ZNF254: variants seen among roughly 807,000 people sequenced by gnomAD.
The protein encoded by ZNF254 is CTD-2017D11.1.
A neutral mutation model predicts 12.4 loss-of-function variants in ZNF254; 10 were observed. The ratio of observed to expected loss-of-function variants is 0.80; its 90% CI spans 0.50 to 1.36. ZNF254 has a LOEUF of 1.36. Ranked by LOEUF, ZNF254 falls within the 40% of genes most tolerant of loss-of-function variation. The pLI is 0.00. For missense variants in ZNF254, 996 were observed against 763.9 expected (o/e 1.30, Z -3.58); for synonymous variants, 305 against 253.4 (o/e 1.20, Z -1.93).
intron 1 of ZNF254, among the ~76,000 whole-genome samples, chr19:24,039,507 C>A (rs898229849): frequency 6.6e-6 from 1 of 152,166 alleles, no homozygotes; most frequent in Admixed American, 6.5e-5. Context: ...TCACTGCAAC[C>A]TCTGCCTCCC....
At chr19:24,036,971 C>T (rs1191535898) in intron 1 of ZNF254, among the ~76,000 whole-genome samples, 1 of 152,126 alleles carries the variant, frequency 6.6e-6, no homozygotes, top group African/African-American at 2.4e-5. Flanking sequence ...TACACAAGTG[C>T]CTAGAGGACT....
intron 2 of ZNF254, among the ~76,000 whole-genome samples, chr19:24,051,632 C>T (rs948006069): frequency 1.3e-5 from 2 of 152,170 alleles, no homozygotes; most frequent in African/African-American, 4.8e-5. Context: ...GGGACCTGCA[C>T]ACATTGTGTA....
chr19:24,045,940 A>T lies in ZNF254; in HGVS notation c.-189-244A>T, dbSNP rs542786247. Among the ~76,000 whole-genome samples the T allele has an allele frequency of 2.0e-5, 3 of 152,224 alleles. No homozygotes were observed. In the South Asian group the frequency reaches 6.2e-4, roughly 32 times the overall value. Reference sequence around the variant, plus strand: ...TTCTAAGTTTGTTGATGTAGAAAAAAATCTTCCTAGTGTTTCCAGCCCTCC... The same window carrying T: ...TTCTAAGTTTGTTGATGTAGAAAAATATCTTCCTAGTGTTTCCAGCCCTCC... On this transcript the variant is annotated intron_variant, in intron 1 of 4. Coordinates refer to the ZNF254 transcript ENST00000613065.
intron 2 of ZNF254, among the ~76,000 whole-genome samples, chr19:24,062,745 A>G (rs1303363312): frequency 6.6e-6 from 1 of 152,186 alleles, no homozygotes; most frequent in Non-Finnish European, 1.5e-5. Flanking sequence ...CAGTTGGGTT[A>G]GTGACTCGTT....
intron 2 of ZNF254, among the ~76,000 whole-genome samples, chr19:24,057,411 C>T (rs1568431144): frequency 6.6e-6 from 1 of 152,204 alleles, no homozygotes; most frequent in Non-Finnish European, 1.5e-5. Flanking sequence ...GAGGTGTTAA[C>T]TCTCATATCT....
chr19:24,114,215 G>T (rs867385351), intron 3 of ZNF254, among the ~76,000 whole-genome samples: 1 of 151,208 alleles, frequency 6.6e-6, no homozygotes, highest in Non-Finnish European at 1.5e-5. Flanking sequence ...AGCCCGCATC[G>T]CCAAGTCACT....
chr19:24,069,623 A>G (rs938202691), intron 2 of ZNF254, among the ~76,000 whole-genome samples: 12 of 149,532 alleles, frequency 8.0e-5, no homozygotes, highest in Non-Finnish European at 1.6e-4. Flanking sequence ...AAAAAAAAAA[A>G]AAAAGAATAT....
intron 1 of ZNF254, among the ~76,000 whole-genome samples, chr19:24,099,423 G>A (rs1263179141): frequency 2.0e-5 from 3 of 152,122 alleles, no homozygotes; most frequent in African/African-American, 7.2e-5. Context: ...CAGGTGGTAC[G>A]AAACAGAAGA....
chr19:24,126,614 A>T lies in ZNF254; in HGVS notation c.614A>T (p.His205Leu). 6.2e-7 allele frequency: 1 copy of T among 1,607,838 alleles called. No homozygotes were observed. Among genetic ancestry groups the T allele is most frequent in the East Asian group, 2.2e-5 (1 of 44,802 alleles). The change falls in exon 4 of 4, where the codon CAT (histidine) becomes CTT (leucine). Residue 205 changes from histidine to leucine, a missense_variant. His to Leu is a moderately conservative substitution (Grantham distance 99). Transcript: ENST00000357002. Reference sequence around the variant, plus strand: ...AAAACCCAACACAAAAGCATTTATCATAGAGAGAAGTCCTACAAATGTAAA... The same window carrying T: ...AAAACCCAACACAAAAGCATTTATCTTAGAGAGAAGTCCTACAAATGTAAA... Reference protein sequence around the residue: ...SHKTQHKSIYHREKSYKCKEC... With the variant: ...SHKTQHKSIYLREKSYKCKEC...
chr19:24,061,821 C>T (rs191723697), intron 2 of ZNF254, among the ~76,000 whole-genome samples: 11 of 152,226 alleles, frequency 7.2e-5, no homozygotes, highest in Admixed American at 5.2e-4. Context: ...TGGCGGCTCA[C>T]GCCTATAATC....
At position 24,046,702 on chromosome 19, in the gene ZNF254, C is replaced by T. The variant is rs369954665; in HGVS notation, c.-94+423C>T. On this transcript the variant is annotated intron_variant, in intron 2 of 4. Coordinates refer to the ZNF254 transcript ENST00000613065. ...TGTGAACAACAATTATTTCGCATAT[C>T]TCATAGCTCTTCAGTGTAGAGGGAG... 2.0e-5 allele frequency among the ~76,000 whole-genome samples: 3 copies of T among 152,150 alleles called. No individual in the cohort carries two copies. In the South Asian group the frequency reaches 6.2e-4, roughly 32 times the overall value.
Position 24,126,395 on chromosome 19 carries a change from A to T in ZNF254, c.395A>T (p.Tyr132Phe). 1.2e-6 allele frequency: 2 copies of T among 1,608,948 alleles called. No homozygotes were observed. Among genetic ancestry groups the T allele is most frequent in the Non-Finnish European group, 1.7e-6 (2 of 1,178,608 alleles). Residue 132 changes from tyrosine (Y) to phenylalanine (F), a missense_variant, in exon 4 of 4, where the codon TAT (tyrosine) becomes TTT (phenylalanine). By Grantham distance (22) the Tyr-to-Phe change is conservative. Coordinates refer to ENST00000357002, the MANE Select transcript of ZNF254 (RefSeq NM_203282.4). ...AAAGGCTGTAAAAGTGTGGATGAGT[A>T]TAAGGTGAACAAAGAAGGTTATAAT... The part of the protein sequence containing the change: ...LRKGCKSVDE[Y>F]KVNKEGYNGL...
chr19:24,087,395 G>A (rs542863053), intron 1 of ZNF254, 58 bp downstream of exon 1: 2 of 1,610,500 alleles, frequency 1.2e-6, no homozygotes, highest in African/African-American at 2.7e-5. Flanking sequence ...GAACTGGTGG[G>A]AAGCGGCTGT....
chr19:24,112,556 A>G (rs1163072147), intron 3 of ZNF254, among the ~76,000 whole-genome samples: 2 of 150,470 alleles, frequency 1.3e-5, no homozygotes, highest in African/African-American at 4.9e-5. Context: ...GGCCATTTTC[A>G]TGATATTGAT....
intron 2 of ZNF254, among the ~76,000 whole-genome samples, chr19:24,049,204 ATATATATATATTTT>A (rs1162768880): frequency 1.3e-5 from 1 of 74,872 alleles, no homozygotes; most frequent in Non-Finnish European, 2.4e-5. Flanking sequence ...ATATATATAT[ATATATATATATTTT>A]TTTTTTTTTT....
chr19:24,042,209 T>C (rs62113670), intron 1 of ZNF254, among the ~76,000 whole-genome samples: 24,162 of 151,998 alleles, frequency 0.16, 2,095 homozygotes, highest in Middle Eastern at 0.23. Flanking sequence ...ACCTGTGTGT[T>C]GAAACTCTAT....
At chr19:24,040,551 A>G (rs1179778728) in intron 1 of ZNF254, among the ~76,000 whole-genome samples, 1 of 152,160 alleles carries the variant, frequency 6.6e-6, no homozygotes, top group African/African-American at 2.4e-5. Flanking sequence ...AGTGATAGGG[A>G]AACCAGAAGA....
At chr19:24,049,212 ATATTTTT>A (rs1465302603) in intron 2 of ZNF254, among the ~76,000 whole-genome samples, 2 of 42,250 alleles carry the variant, frequency 4.7e-5, no homozygotes, top group Non-Finnish European at 9.8e-5. Flanking sequence ...ATATATATAT[ATATTTTT>A]TTTTTTTTTT....
At chr19:24,120,361 A>G (rs892535996) in intron 3 of ZNF254, among the ~76,000 whole-genome samples, 1 of 152,184 alleles carries the variant, frequency 6.6e-6, no homozygotes, top group Non-Finnish European at 1.5e-5. Flanking sequence ...TCTAAAACTT[A>G]AAAATATATT....
Sources: allele counts gnomAD v4.1 joint callset (sites outside exome capture counted in the v4.1 genomes callset), GRCh38; gene constraint gnomAD v4.1.1; transcripts MANE v1.5; gene names NCBI Gene and HGNC (gene_info 2026-07-23, HGNC 2026-07-21).